Variants in PALM2AKAP2 observed in about 807,000 individuals in gnomAD.
The protein encoded by PALM2AKAP2 is PALM2 and AKAP2 fusion.
A neutral mutation model predicts 71.5 loss-of-function variants in PALM2AKAP2; 37 were observed. The observed-to-expected ratio is 0.52, with a 90% CI of 0.40 to 0.68. The LOEUF is 0.68. Among genes scored for constraint, PALM2AKAP2 ranks in the 30% least tolerant of loss-of-function variants. PALM2AKAP2 has a pLI of 0.00. For synonymous variants in PALM2AKAP2, 468 were observed against 478.8 expected (o/e 0.98, Z 0.29); for missense variants, 1,224 against 1,191.8 (o/e 1.03, Z -0.40).
intron 1 of PALM2AKAP2, among the ~76,000 whole-genome samples, chr9:109,849,912 A>C (rs1828965015): frequency 6.6e-6 from 1 of 152,178 alleles, no homozygotes; most frequent in African/African-American, 2.4e-5. Context: ...AGATATTAGC[A>C]CTGGTTCTTC....
At chr9:110,044,172 C>T (rs372688547), upstream of PALM2AKAP2, among the ~76,000 whole-genome samples, 140 of 152,116 alleles carry the variant, frequency 9.2e-4, 1 homozygote, top group African/African-American at 3.2e-3. Flanking sequence ...TTCAGTGGTG[C>T]ATCTGATCCC....
chr9:109,975,296 C>A (rs900058549), intron 6 of PALM2AKAP2, among the ~76,000 whole-genome samples: 13 of 152,182 alleles, frequency 8.5e-5, no homozygotes, highest in Admixed American at 7.2e-4. Context: ...GCACAAGTCC[C>A]AATCCAGGTC....
intron 1 of PALM2AKAP2, among the ~76,000 whole-genome samples, chr9:110,105,747 A>G (rs1304223409): frequency 6.6e-6 from 1 of 152,160 alleles, no homozygotes; most frequent in Non-Finnish European, 1.5e-5. Flanking sequence ...ATGTGAGTGG[A>G]CATAAAATTT....
intron 1 of PALM2AKAP2, among the ~76,000 whole-genome samples, chr9:109,729,863 A>G (rs1310290764): frequency 1.3e-5 from 2 of 152,228 alleles, no homozygotes; most frequent in East Asian, 1.9e-4. Context: ...TTTGTGGGTG[A>G]GAATGCAATA....
intron 1 of PALM2AKAP2, among the ~76,000 whole-genome samples, chr9:109,707,896 C>T (rs1198356053): frequency 6.6e-6 from 1 of 152,174 alleles, no homozygotes; most frequent in Non-Finnish European, 1.5e-5. Flanking sequence ...ACCAATAGCT[C>T]CCATTTCACA....
intron 1 of PALM2AKAP2, among the ~76,000 whole-genome samples, chr9:109,839,121 A>T (rs549658980): frequency 6.6e-6 from 1 of 152,362 alleles, no homozygotes; most frequent in African/African-American, 2.4e-5. Flanking sequence ...ATGAACATCG[A>T]TGCAAAAATC....
chr9:110,055,959 C>T (rs989232705), intron 1 of PALM2AKAP2, among the ~76,000 whole-genome samples: 3 of 152,164 alleles, frequency 2.0e-5, no homozygotes, highest in Non-Finnish European at 4.4e-5. Flanking sequence ...CTTTCCAGGG[C>T]GTTTGTGGGA....
At chr9:110,015,971 G>T (rs201863735) in exon 7 of PALM2AKAP2, 2 of 1,613,974 alleles carry the variant, frequency 1.2e-6, no homozygotes, top group East Asian at 4.5e-5. Flanking sequence ...GTGGGAGAAT[G>T]TGCTGCTAAA....
At chr9:109,648,810 T>G (rs1564100962) in intron 1 of PALM2AKAP2, among the ~76,000 whole-genome samples, 1 of 152,166 alleles carries the variant, frequency 6.6e-6, no homozygotes, top group East Asian at 1.9e-4. Flanking sequence ...GATTTAGTGT[T>G]TAGTTAAAAG....
intron 1 of PALM2AKAP2, among the ~76,000 whole-genome samples, chr9:109,839,725 A>C (rs1447969417): frequency 2.0e-5 from 3 of 152,086 alleles, no homozygotes; most frequent in African/African-American, 7.2e-5. Flanking sequence ...TTATACACCA[A>C]TAACAGAGAG....
At chr9:110,041,464 T>C (rs1833511427) in intron 7 of PALM2AKAP2, among the ~76,000 whole-genome samples, 1 of 152,130 alleles carries the variant, frequency 6.6e-6, no homozygotes, top group South Asian at 2.1e-4. Flanking sequence ...GGAATGTTTC[T>C]TATGGGTGTT....
At chr9:110,060,600 T>TTTTGTTTGTTTGTTTG (rs200124001) in intron 1 of PALM2AKAP2, among the ~76,000 whole-genome samples, 1 of 151,504 alleles carries the variant, frequency 6.6e-6, no homozygotes, top group Admixed American at 6.6e-5. Flanking sequence ...GTCCAGGAGT[T>TTTTGTTTGTTTGTTTG]TTTGTTTGTT....
At chr9:109,664,170 G>T (rs902304620) in intron 1 of PALM2AKAP2, among the ~76,000 whole-genome samples, 5 of 151,948 alleles carry the variant, frequency 3.3e-5, no homozygotes, top group Non-Finnish European at 5.9e-5. Context: ...TTTTAATTGG[G>T]GCATTTAGCC....
intron 1 of PALM2AKAP2, among the ~76,000 whole-genome samples, chr9:109,650,520 G>A (rs1027282430): frequency 1.3e-5 from 2 of 152,180 alleles, no homozygotes; most frequent in Non-Finnish European, 2.9e-5. Context: ...GGGCTCAAGA[G>A]ATCTTCTTGC....
intron 6 of PALM2AKAP2, among the ~76,000 whole-genome samples, chr9:109,953,850 A>G (rs568579799): frequency 5.9e-4 from 90 of 151,648 alleles, no homozygotes; most frequent in South Asian, 4.0e-3. Context: ...AAAAAAAAAA[A>G]AAAAAGAAAA....
intron 1 of PALM2AKAP2, among the ~76,000 whole-genome samples, chr9:109,729,197 G>A (rs1325742976): frequency 6.6e-6 from 1 of 152,158 alleles, no homozygotes; most frequent in Admixed American, 6.5e-5. Context: ...TCCTCATAAA[G>A]CCTTTCCTCC....
intron 3 of PALM2AKAP2, among the ~76,000 whole-genome samples, chr9:109,910,150 C>T (rs1830536511): frequency 6.6e-6 from 1 of 152,166 alleles, no homozygotes; most frequent in African/African-American, 2.4e-5. Context: ...TAATAAGATA[C>T]ATGTACGTGA....
intron 1 of PALM2AKAP2, among the ~76,000 whole-genome samples, chr9:109,702,176 A>G (rs1828071129): frequency 1.3e-5 from 2 of 152,028 alleles, no homozygotes; most frequent in Admixed American, 6.5e-5. Context: ...TGTGAAAGTC[A>G]GTGTGGCGAT....
At chr9:109,802,432 T>A (rs1486777285) in intron 1 of PALM2AKAP2, among the ~76,000 whole-genome samples, 1 of 152,104 alleles carries the variant, frequency 6.6e-6, no homozygotes, top group Admixed American at 6.5e-5. Flanking sequence ...TACCCCAGAG[T>A]CCCAGACACC....
Sources: allele counts gnomAD v4.1 joint callset (sites outside exome capture counted in the v4.1 genomes callset), GRCh38; gene constraint gnomAD v4.1.1; transcripts MANE v1.5; gene names NCBI Gene and HGNC (gene_info 2026-07-23, HGNC 2026-07-21).